The following CIT variants were observed in gnomAD, a reference collection of about 807,000 sequenced individuals.
The protein encoded by CIT is citron Rho-interacting kinase.
A neutral mutation model predicts 272.7 loss-of-function variants in CIT; 79 were observed. The observed-to-expected ratio is 0.29, with a 90% CI of 0.24 to 0.35. CIT has a LOEUF of 0.35. Among genes scored for constraint, CIT ranks in the 10% least tolerant of loss-of-function variants. The probability of loss-of-function intolerance (pLI) is 1.00; values close to 1 mark genes in which losing one functional copy is unlikely to be tolerated. For missense variants in CIT, 1,909 were observed against 2,618.3 expected, an observed-to-expected ratio of 0.73 and a Z score of 5.91; for synonymous variants, 948 against 995.6, an observed-to-expected ratio of 0.95 and a Z score of 0.90.
At chr12:119,704,760 G>A (rs990204520) in intron 40 of CIT, among the ~76,000 whole-genome samples, 1 of 152,122 alleles carries the variant, frequency 6.6e-6, no homozygotes, top group African/African-American at 2.4e-5. Flanking sequence ...TCCAGAGAAG[G>A]CCTCAGGGAG....
chr12:119,689,250 C>T (rs1955781893), intron 47 of CIT, among the ~76,000 whole-genome samples: 1 of 151,596 alleles, frequency 6.6e-6, no homozygotes. Flanking sequence ...GACATGGTAG[C>T]TACAGCCCAT....
Position 119,728,685 on chromosome 12 carries a change from C to A in CIT, c.3487-79G>T. On this transcript the variant is annotated intron_variant, in intron 27 of 47. Transcript: ENST00000392521. This position sits in a 1 kb window ranked among gnomAD's most constrained non-coding sequence, Gnocchi z 4.3. ...ACAACGTTTATGAATGTCCACGAAC[C>A]TTCACGGAGAAAGAATATTGAGTTC... 3.1e-6 allele frequency: 3 copies of A among 976,200 alleles called. No individual in the cohort carries two copies. Among genetic ancestry groups the A allele is most frequent in the Non-Finnish European group, 4.7e-6 (3 of 634,698 alleles). 60.5% of individuals were successfully genotyped at this position (976,200 alleles called of 1,614,324 possible).
chr12:119,846,855 T>C (rs766661384), intron 5 of CIT, among the ~76,000 whole-genome samples: 2 of 149,980 alleles, frequency 1.3e-5, no homozygotes, highest in Non-Finnish European at 3.0e-5. Context: ...CAGTGAGCTA[T>C]GATCATGCCA....
chr12:119,854,253 C>G (rs970497612), intron 4 of CIT, among the ~76,000 whole-genome samples: 21 of 151,734 alleles, frequency 1.4e-4, no homozygotes, highest in Admixed American at 3.3e-4. Context: ...GTCTCAAACT[C>G]CCGACCTCAA....
At chr12:119,729,979 GT>G (rs1463078877) in intron 27 of CIT, among the ~76,000 whole-genome samples, 2 of 152,272 alleles carry the variant, frequency 1.3e-5, no homozygotes, top group East Asian at 3.9e-4. Context: ...GACTATAAAT[GT>G]AATATGGAGA....
At position 119,803,216 on chromosome 12, in the gene CIT, C is replaced by T. The variant is rs145965687; in HGVS notation, c.1285G>A (p.Gly429Ser). The change falls in exon 10 of 48, where the codon GGT becomes AGT. Residue 429 changes from glycine to serine, a missense_variant. This residue lies in a region of CIT where 529 missense variants were observed against 549.6 expected (regional missense o/e 0.96). Coordinates refer to ENST00000392521, the MANE Select transcript of CIT (RefSeq NM_001206999.2). ...CAAATTTTCACTTACTCAGATCTAC[C>T]AAGAATCCCCAGTGCCTTGCTGTAC... Reference protein sequence around the residue: ...FSYSKALGILGRSESVVSGLD... With the variant: ...FSYSKALGILSRSESVVSGLD... 3.6e-4 allele frequency: 546 copies of T among 1,524,348 alleles called. 8 individuals are homozygous for T. In the East Asian group the frequency reaches 0.013, roughly 36 times the overall value. 94.4% of individuals were successfully genotyped at this position (1,524,348 alleles called of 1,614,324 possible).
At chr12:119,703,421 CTTTT>C (rs34483318) in intron 41 of CIT, among the ~76,000 whole-genome samples, 1 of 105,716 alleles carries the variant, frequency 9.5e-6, no homozygotes, top group Admixed American at 1.0e-4. Flanking sequence ...CTTCATTTCA[CTTTT>C]TTTTTTTTTT....
Position 119,770,255 on chromosome 12 carries a change from T to C in CIT, c.2208+530A>G, listed in dbSNP as rs567433265. Among the ~76,000 whole-genome samples the C allele has an allele frequency of 6.6e-6, 1 of 152,046 alleles. No homozygotes were observed. The highest frequency in any genetic ancestry group is 2.1e-4 in the South Asian group (1 of 4,812). On this transcript the variant is annotated intron_variant, in intron 18 of 47. Transcript: ENST00000392521. The surrounding 1 kb of genome is among the most constrained non-coding windows in gnomAD (Gnocchi z 4.4). ...AAAAGACCTGCTATATCTAAGGAAA[T>C]TGAAAAAATAATAATAATAATAACC...
chr12:119,809,128 C>A (rs1416745527), intron 9 of CIT, among the ~76,000 whole-genome samples: 1 of 152,084 alleles, frequency 6.6e-6, no homozygotes, highest in Non-Finnish European at 1.5e-5. Flanking sequence ...TTTAGAAAAG[C>A]CCCAGAAGCC....
At chr12:119,775,960 C>A (rs1179625834) in intron 15 of CIT, 121 bp from the exon 16 acceptor site, 3 of 739,652 alleles carry the variant, frequency 4.1e-6, no homozygotes, top group African/African-American at 3.6e-5. Context: ...GTTTCCAGAA[C>A]CTATTAAGGG....
intron 18 of CIT, among the ~76,000 whole-genome samples, chr12:119,769,165 T>C (rs984939926): frequency 4.1e-5 from 6 of 145,938 alleles, no homozygotes; most frequent in Admixed American, 6.8e-5. Context: ...CTCAGGTATC[T>C]GAGACTGACA....
chr12:119,768,271 T>C lies in CIT; in HGVS notation c.2209-1089A>G, dbSNP rs75392974. On this transcript the variant is annotated intron_variant, in intron 18 of 47. Transcript: ENST00000392521. This position sits in a 1 kb window ranked among gnomAD's most constrained non-coding sequence, Gnocchi z 4.3. ...TTGAAAATTGCAGTTCATTTGCCAA[T>C]GTTTTATAAACTGACCTTACAAAAG... Among the ~76,000 whole-genome samples, 1 of 152,240 alleles carries C rather than the reference T, an allele frequency of 6.6e-6. No homozygotes were observed. Among genetic ancestry groups the C allele is most frequent in the African/African-American group, 2.4e-5 (1 of 41,464 alleles).
At chr12:119,752,846 G>A (rs1394490760) in intron 22 of CIT, among the ~76,000 whole-genome samples, 1 of 152,156 alleles carries the variant, frequency 6.6e-6, no homozygotes, top group African/African-American at 2.4e-5. Flanking sequence ...GGAATATGGA[G>A]ATGAAAGACA....
chr12:119,857,223 T>C (rs1046278444), intron 4 of CIT, among the ~76,000 whole-genome samples: 7 of 152,216 alleles, frequency 4.6e-5, no homozygotes, highest in Non-Finnish European at 1.0e-4. Flanking sequence ...AGTCCTCAGC[T>C]AATGGTCATA....
chr12:119,861,006 A>G (rs1217994913), intron 3 of CIT, among the ~76,000 whole-genome samples: 2 of 151,836 alleles, frequency 1.3e-5, no homozygotes, highest in Non-Finnish European at 2.9e-5. Flanking sequence ...CTATAATCCC[A>G]GCTACTCGGG....
At position 119,728,651 on chromosome 12, in the gene CIT, T is replaced by C. The variant is rs749631166; in HGVS notation, c.3487-45A>G. On this transcript the variant is annotated intron_variant, in intron 27 of 47. Coordinates refer to ENST00000392521, the MANE Select transcript of CIT (RefSeq NM_001206999.2). The surrounding 1 kb of genome is among the most constrained non-coding windows in gnomAD (Gnocchi z 4.3). ...GGCATAATGCCACACTTAGGAATGT[T>C]AGATGCTGACAACGTTTATGAATGT... is the stretch of plus-strand genomic sequence containing the variant. 1 of 1,280,926 alleles carries C rather than the reference T, an allele frequency of 7.8e-7. No individual in the cohort carries two copies. The highest frequency in any genetic ancestry group is 1.2e-5 in the South Asian group (1 of 80,900). 79.3% of individuals were successfully genotyped at this position (1,280,926 alleles called of 1,614,324 possible).
chr12:119,723,595 C>T (rs1306208772), intron 28 of CIT, among the ~76,000 whole-genome samples: 2 of 151,848 alleles, frequency 1.3e-5, no homozygotes, highest in Admixed American at 6.6e-5. Context: ...AGACAGGAAA[C>T]TGGGAGGAAA....
rs906424623 is a variant in CIT at position 119,713,832 on chromosome 12, G to A, written c.4307-184C>T. On this transcript the variant is annotated intron_variant, in intron 33 of 47. Coordinates refer to ENST00000392521, the MANE Select transcript of CIT (RefSeq NM_001206999.2). The surrounding 1 kb of genome is among the most constrained non-coding windows in gnomAD (Gnocchi z 5.2). ...CCCTGCAGAAAGGGAAAACAAAAGT[G>A]CCAAGTGCTCTTGACCCAGTTTTCC... 4.6e-6 allele frequency: 3 copies of A among 657,880 alleles called. No individual in the cohort carries two copies. In the African/African-American group the frequency reaches 5.5e-5, roughly 12 times the overall value. The allele number at this position is 657,880 out of a possible 1,614,324, so 40.8% of individuals were successfully genotyped here. A position where few individuals can be genotyped will look rare whatever the true frequency, so the allele number is the denominator to read the frequency against.
At chr12:119,824,097 ATAGTTT>A (rs1455718576) in intron 8 of CIT, among the ~76,000 whole-genome samples, 4 of 130,370 alleles carry the variant, frequency 3.1e-5, no homozygotes, top group African/African-American at 5.7e-5. Context: ...TTATTAGAAA[ATAGTTT>A]TACTGTATAT....
Sources: gnomAD v4.1 joint callset for allele counts (sites outside exome capture counted in the v4.1 genomes callset) on GRCh38, gnomAD v4.1.1 for gene constraint, gnomAD v4.1.1 regional missense constraint, Gnocchi (gnomAD v3.1) non-coding constraint, MANE v1.5 for transcripts, NCBI Gene and HGNC (gene_info 2026-07-23, HGNC 2026-07-21) for gene names.